The following VPS13D variants were observed in gnomAD, a reference collection of about 807,000 sequenced individuals.
The protein encoded by VPS13D is intermembrane lipid transfer protein VPS13D.
Under a neutral mutation model 461.9 loss-of-function variants are expected in VPS13D, and 187 were observed. The ratio of observed to expected loss-of-function variants is 0.40; its 90% CI spans 0.36 to 0.46. VPS13D has a LOEUF of 0.46. Ranked by LOEUF, VPS13D falls within the 20% of genes least tolerant of loss-of-function variation. VPS13D has a pLI of 0.60. For synonymous variants in VPS13D, 1,951 were observed against 1,986.3 expected, an observed-to-expected ratio of 0.98 and a Z score of 0.47; for missense variants, 4,711 against 5,364.9, an observed-to-expected ratio of 0.88 and a Z score of 3.81.
intron 39 of VPS13D, 72 bp from the exon 40 acceptor site, chr1:12,338,159 C>T (rs1267238008): frequency 8.2e-6 from 11 of 1,338,302 alleles, no homozygotes; most frequent in African/African-American, 5.8e-5. Context: ...TTGTGCTTAT[C>T]GTTTGGAAGC....
At chr1:12,387,915 A>G (rs1288494335) in intron 60 of VPS13D, among the ~76,000 whole-genome samples, 1 of 152,246 alleles carries the variant, frequency 6.6e-6, no homozygotes, top group Admixed American at 6.5e-5. Context: ...AATGAGCAAC[A>G]TCTTTAAAGT....
intron 5 of VPS13D, among the ~76,000 whole-genome samples, chr1:12,246,137 G>T (rs1012777267): frequency 1.3e-5 from 2 of 152,146 alleles, no homozygotes; most frequent in African/African-American, 4.8e-5. Flanking sequence ...GGAGTGAGTG[G>T]GTACTCAAGT....
Position 12,277,019 on chromosome 1 carries a change from C to T in VPS13D, c.3431C>T (p.Thr1144Ile). Residue 1144 changes from threonine to isoleucine, a missense_variant, in exon 19 of 70, where the codon ACT (threonine) becomes ATT (isoleucine). Physicochemically the swap from Thr to Ile is moderately conservative, Grantham distance 89. Around this residue, in one of 3 missense-constraint regions of VPS13D, gnomAD observed 4,411 missense variants for 4,937.8 expected, o/e 0.89. Coordinates refer to ENST00000620676, the MANE Select transcript of VPS13D (RefSeq NM_015378.4). ...GATTTAAGTCCTCAACCTTTAATGACTGATTTTGAAAGAAGCTTCAGAGAA... is the reference window on the plus strand; with the variant it reads ...GATTTAAGTCCTCAACCTTTAATGATTGATTTTGAAAGAAGCTTCAGAGAA... ...KDDLSPQPLM[T>I]DFERSFREQG... The T allele has an allele frequency of 6.2e-7, 1 of 1,614,108 alleles. No individual in the cohort carries two copies. The highest frequency in any genetic ancestry group is 8.5e-7 in the Non-Finnish European group (1 of 1,180,024).
intron 65 of VPS13D, among the ~76,000 whole-genome samples, chr1:12,432,051 T>C (rs1402470123): frequency 1.3e-5 from 2 of 152,198 alleles, no homozygotes; most frequent in Non-Finnish European, 2.9e-5. Flanking sequence ...TATGTTTTTC[T>C]CTGTATGTTG....
At chr1:12,292,465 G>A (rs185189727) in intron 23 of VPS13D, among the ~76,000 whole-genome samples, 2,612 of 133,308 alleles carry the variant, frequency 0.02, 105 homozygotes, top group Admixed American at 0.1. Flanking sequence ...TTTGAGACGA[G>A]GTCTCGCTCT....
intron 53 of VPS13D, among the ~76,000 whole-genome samples, chr1:12,368,990 A>G (rs1216972332): frequency 2.0e-5 from 3 of 152,204 alleles, no homozygotes; most frequent in Admixed American, 1.3e-4. Context: ...GAAAGTCAAT[A>G]TGGAAATCAT....
At chr1:12,249,132 C>T (rs1640651432) in intron 5 of VPS13D, 91 bp from the exon 6 acceptor site, 4 of 1,029,126 alleles carry the variant, frequency 3.9e-6, no homozygotes, top group African/African-American at 1.6e-5. Flanking sequence ...ATTTCACCTA[C>T]AGCAGTTATC....
At chr1:12,424,816 A>C (rs540378407) in intron 65 of VPS13D, among the ~76,000 whole-genome samples, 1 of 152,164 alleles carries the variant, frequency 6.6e-6, no homozygotes, top group Non-Finnish European at 1.5e-5. Flanking sequence ...CATATTTGAG[A>C]GGAATTAACT....
At chr1:12,237,107 G>A (rs1241504390) in intron 2 of VPS13D, among the ~76,000 whole-genome samples, 2 of 150,258 alleles carry the variant, frequency 1.3e-5, no homozygotes, top group East Asian at 3.9e-4. Flanking sequence ...GTGTATGTGT[G>A]TATATATATA....
At position 12,321,887 on chromosome 1, in the gene VPS13D, G is replaced by A. The variant is rs780899902; in HGVS notation, c.7627G>A (p.Val2543Met). 3.7e-6 allele frequency: 6 copies of A among 1,613,672 alleles called. No homozygotes were observed. The African/African-American group carries it at 6.7e-5, about 18-fold the overall frequency. ...TCCCGTACAAATTCAAATGGAGTTG[G>A]TGGGGAATTCTTCTTATCAAAATAG... ...VDPVQIQMEL[V>M]GNSSYQNSSG... Residue 2543 changes from valine to methionine, a missense_variant, in exon 33 of 70, where the codon GTG becomes ATG. Coordinates refer to ENST00000620676, the MANE Select transcript of VPS13D (RefSeq NM_015378.4).
At chr1:12,360,042 T>C (rs1177698843) in intron 50 of VPS13D, among the ~76,000 whole-genome samples, 1 of 152,216 alleles carries the variant, frequency 6.6e-6, no homozygotes, top group African/African-American at 2.4e-5. Context: ...AACCACAGAA[T>C]TCTTGCAGAG....
chr1:12,469,623 A>G (rs1341237053), intron 67 of VPS13D, among the ~76,000 whole-genome samples: 1 of 152,268 alleles, frequency 6.6e-6, no homozygotes, highest in Non-Finnish European at 1.5e-5. Context: ...AATTCGGACT[A>G]AACCGTAGGA....
intron 66 of VPS13D, among the ~76,000 whole-genome samples, chr1:12,459,885 C>T (rs1054735151): frequency 1.6e-4 from 25 of 152,042 alleles, no homozygotes; most frequent in Middle Eastern, 3.4e-3. Flanking sequence ...CCTGATCGTC[C>T]GTAGGCTGCC....
At chr1:12,310,802 TCCC>T (rs1642718113) in intron 27 of VPS13D, among the ~76,000 whole-genome samples, 1 of 98,606 alleles carries the variant, frequency 1.0e-5, no homozygotes, top group Non-Finnish European at 2.0e-5. Context: ...CTTCCCTCCC[TCCC>T]TCCCTCCCTC....
rs187724439 is a variant in VPS13D, at chr1:12,444,006, C to T, written c.12334-11992C>T. On this transcript the variant is annotated intron_variant, in intron 65 of 69. Transcript: ENST00000620676. ...GATTACAGGCACCCGCCATCGTGCC[C>T]GGCTAACTTGTATATTTTTTTAGAG... Among the ~76,000 whole-genome samples the T allele has an allele frequency of 5.1e-3, 771 of 152,122 alleles. 6 individuals are homozygous for T. The highest frequency in any genetic ancestry group is 0.017 in the African/African-American group (695 of 41,490).
intron 61 of VPS13D, among the ~76,000 whole-genome samples, chr1:12,400,604 A>G (rs763780161): frequency 1.3e-4 from 20 of 152,158 alleles, no homozygotes; most frequent in Non-Finnish European, 2.5e-4. Context: ...GTAGGAAAGT[A>G]TAGCATCTTC....
At chr1:12,354,311 G>C in intron 47 of VPS13D, 90 bp downstream of exon 47, 1 of 1,477,356 alleles carries the variant, frequency 6.8e-7, no homozygotes, top group East Asian at 2.4e-5. Flanking sequence ...GCATCTTGGA[G>C]AAATTGGGGC....
chr1:12,421,308 A>G (rs1481175583), intron 65 of VPS13D, among the ~76,000 whole-genome samples: 2 of 152,252 alleles, frequency 1.3e-5, no homozygotes, highest in Non-Finnish European at 2.9e-5. Context: ...TGGCAAGGCA[A>G]TCGCTTCTGG....
At chr1:12,275,364 G>A (rs1323813902) in intron 18 of VPS13D, among the ~76,000 whole-genome samples, 3 of 150,842 alleles carry the variant, frequency 2.0e-5, no homozygotes, top group African/African-American at 4.9e-5. Context: ...GCAGTGAACT[G>A]AGATCGTGCC....
Sources: allele counts gnomAD v4.1 joint callset (sites outside exome capture counted in the v4.1 genomes callset), GRCh38; gene constraint gnomAD v4.1.1; regional missense constraint gnomAD v4.1.1; transcripts MANE v1.5; gene names NCBI Gene and HGNC (gene_info 2026-07-23, HGNC 2026-07-21).